ZNF469: variants seen among roughly 807,000 people sequenced by gnomAD.
ZNF469 encodes zinc finger protein 469.
ZNF469 carries 1 observed loss-of-function variant against 1.0 expected under a neutral mutation model. The ratio of observed to expected loss-of-function variants is 1.00; its 90% CI spans 0.35 to 4.73. The LOEUF (loss-of-function observed/expected upper bound fraction) is 4.73, where lower values mean the gene tolerates loss of function less well. Among genes scored for constraint, ZNF469 ranks in the 30% most tolerant of loss-of-function variants. The probability of loss-of-function intolerance (pLI) is 0.16; values close to 1 mark genes in which losing one functional copy is unlikely to be tolerated. For missense variants in ZNF469, 6,100 were observed against 5,356.3 expected, an observed-to-expected ratio of 1.14 and a Z score of -4.33; for synonymous variants, 2,703 against 2,363.4, an observed-to-expected ratio of 1.14 and a Z score of -4.17.
the ZNF469 span, among the ~76,000 whole-genome samples, chr16:88,349,709 CAAG>C: frequency 1.5e-5 from 1 of 66,980 alleles, no homozygotes; most frequent in Admixed American, 1.5e-4. Flanking sequence ...ACACACCACA[CAAG>C]TACACATCCA....
chr16:88,214,809 C>T, the ZNF469 span, among the ~76,000 whole-genome samples: 1 of 152,182 alleles, frequency 6.6e-6, no homozygotes, highest in Non-Finnish European at 1.5e-5. Context: ...CAGCTTCATC[C>T]ACGTCCCTGC....
chr16:88,387,773 G>A (rs1367184773), intron 1 of ZNF469, among the ~76,000 whole-genome samples: 1 of 152,172 alleles, frequency 6.6e-6, no homozygotes, highest in South Asian at 2.1e-4. Flanking sequence ...CTAGTATGGT[G>A]GACCTGGGGC....
the ZNF469 span, among the ~76,000 whole-genome samples, chr16:88,114,798 C>T: frequency 6.6e-6 from 1 of 152,184 alleles, no homozygotes; most frequent in Non-Finnish European, 1.5e-5. Context: ...GAGGTGCCTC[C>T]CCTTCTCCAC....
the ZNF469 span, among the ~76,000 whole-genome samples, chr16:88,180,918 G>A: frequency 6.6e-6 from 1 of 152,070 alleles, no homozygotes; most frequent in Non-Finnish European, 1.5e-5. Flanking sequence ...GAGTATCGTT[G>A]GAAACTTCAA....
chr16:88,109,337 C>G, the ZNF469 span, among the ~76,000 whole-genome samples: 1 of 152,242 alleles, frequency 6.6e-6, no homozygotes, highest in Admixed American at 6.5e-5. Context: ...ACTTTCCACA[C>G]CCCTGCAGGT....
the ZNF469 span, among the ~76,000 whole-genome samples, chr16:88,324,824 A>G: frequency 6.6e-6 from 1 of 152,172 alleles, no homozygotes; most frequent in African/African-American, 2.4e-5. Flanking sequence ...CAGCTGGAGG[A>G]AGCTGTGTTA....
At position 88,433,261 on chromosome 16, in the gene ZNF469, A is replaced by C; in HGVS notation, c.5791A>C (p.Ser1931Arg). 6.5e-7 allele frequency: 1 copy of C among 1,550,294 alleles called. No homozygotes were observed. Among genetic ancestry groups the C allele is most frequent in the Non-Finnish European group, 8.7e-7 (1 of 1,146,940 alleles). Reference protein sequence around the residue: ...GLQELTPAAQSPPRVNPSGLE... With the variant: ...GLQELTPAAQRPPRVNPSGLE... Reference sequence around the variant, plus strand: ...GCAGGAGCTGACACCTGCTGCCCAGAGCCCTCCACGAGTGAACCCCTCAGG... The same window carrying C: ...GCAGGAGCTGACACCTGCTGCCCAGCGCCCTCCACGAGTGAACCCCTCAGG... Residue 1931 changes from serine to arginine, a missense_variant, in exon 3 of 3, where the codon AGC (serine) becomes CGC (arginine). Physicochemically the swap from Ser to Arg is moderately radical, Grantham distance 110. Transcript: ENST00000565624.
chr16:88,148,552 A>T, the ZNF469 span, among the ~76,000 whole-genome samples: 2 of 152,154 alleles, frequency 1.3e-5, no homozygotes, highest in African/African-American at 4.8e-5. Flanking sequence ...GTCTCTGTGA[A>T]TTGCAGCTCC....
rs1012441790 is a variant in ZNF469 at position 88,436,004 on chromosome 16, G to T, written c.8534G>T (p.Ser2845Ile). The stretch of plus-strand genomic sequence containing the variant: ...CCCACTCCTGATGCCTCTGGCTCCA[G>T]TGCCAAGGATCCTCCAAGCTTGTTT... Reference protein sequence around the residue: ...EGPTPDASGSSAKDPPSLFDD... With the variant: ...EGPTPDASGSIAKDPPSLFDD... Residue 2845 changes from serine to isoleucine, a missense_variant, in exon 3 of 3, where the codon AGT becomes ATT. Transcript: ENST00000565624. The T allele has an allele frequency of 5.2e-6, 8 of 1,550,072 alleles. No individual in the cohort carries two copies. The African/African-American group carries it at 9.6e-5, about 19-fold the overall frequency.
At chr16:88,148,732 C>T in the ZNF469 span, among the ~76,000 whole-genome samples, 4 of 152,286 alleles carry the variant, frequency 2.6e-5, no homozygotes, top group East Asian at 1.9e-4. Context: ...GCCTTGGTGG[C>T]GGTGAGGCTG....
At chr16:88,422,747 AATGGATGG>A (rs56651491) in intron 1 of ZNF469, among the ~76,000 whole-genome samples, 100,535 of 119,034 alleles carry the variant, frequency 0.84, 43,327 homozygotes, top group South Asian at 0.96. Context: ...TGGATGAGTG[AATGGATGG>A]ATGGATGGAT....
At position 88,434,729 on chromosome 16, in the gene ZNF469, C is replaced by A; in HGVS notation, c.7259C>A (p.Ser2420Tyr). The A allele has an allele frequency of 6.4e-7, 1 of 1,550,420 alleles. No homozygotes were observed. Among genetic ancestry groups the A allele is most frequent in the South Asian group, 1.2e-5 (1 of 84,060 alleles). Residue 2420 changes from serine (S) to tyrosine (Y), a missense_variant, in exon 3 of 3, where the codon TCT (serine) becomes TAT (tyrosine). Ser to Tyr is a moderately radical substitution (Grantham distance 144). Coordinates refer to ENST00000565624, the MANE Select transcript of ZNF469 (RefSeq NM_001367624.2). ...AGCAGCACAGCCAGTGACTTCCAGTCTGACTCCCCCCAAAGCCACAGAAAT... is the reference window on the plus strand; with the variant it reads ...AGCAGCACAGCCAGTGACTTCCAGTATGACTCCCCCCAAAGCCACAGAAAT... ...APSSTASDFQSDSPQSHRNAS... is the reference protein window; with the variant it reads ...APSSTASDFQYDSPQSHRNAS...
chr16:88,397,648 T>G (rs1377345897), intron 1 of ZNF469, among the ~76,000 whole-genome samples: 8 of 46,668 alleles, frequency 1.7e-4, no homozygotes, highest in Non-Finnish European at 2.6e-4. Context: ...TGGATGGATA[T>G]AAATAAGAGA....
chr16:88,214,602 C>T, the ZNF469 span, among the ~76,000 whole-genome samples: 1 of 151,962 alleles, frequency 6.6e-6, no homozygotes, highest in Non-Finnish European at 1.5e-5. Context: ...TTTGCTGCAC[C>T]CATCAACCCG....
the ZNF469 span, among the ~76,000 whole-genome samples, chr16:88,374,557 G>C: frequency 6.6e-6 from 1 of 152,214 alleles, no homozygotes; most frequent in Non-Finnish European, 1.5e-5. Context: ...GCCATGTGAG[G>C]CTTCTGAGCA....
chr16:88,211,554 G>A, the ZNF469 span, among the ~76,000 whole-genome samples: 3 of 151,768 alleles, frequency 2.0e-5, no homozygotes, highest in African/African-American at 7.3e-5. Context: ...ACAAAGACTG[G>A]GCTCTGTCAT....
At chr16:88,324,579 C>T in the ZNF469 span, among the ~76,000 whole-genome samples, 80 of 152,164 alleles carry the variant, frequency 5.3e-4, no homozygotes, top group African/African-American at 1.9e-3. Context: ...CTTAAGCGGC[C>T]GTGTACAGAG....
chr16:88,184,674 AG>A, the ZNF469 span, among the ~76,000 whole-genome samples: 9 of 151,952 alleles, frequency 5.9e-5, no homozygotes, highest in Admixed American at 5.9e-4. Context: ...CCCAGTGATT[AG>A]GGACGCTCCA....
the ZNF469 span, among the ~76,000 whole-genome samples, chr16:88,284,402 G>T: frequency 6.6e-6 from 1 of 152,136 alleles, no homozygotes; most frequent in African/African-American, 2.4e-5. Context: ...AATGACTTGA[G>T]CCCATGAGTT....
Sources: allele counts gnomAD v4.1 joint callset (sites outside exome capture counted in the v4.1 genomes callset), GRCh38; gene constraint gnomAD v4.1.1; transcripts MANE v1.5; gene names NCBI Gene and HGNC (gene_info 2026-07-23, HGNC 2026-07-21).